Variants in SGCD observed in about 807,000 individuals in gnomAD.
SGCD encodes the protein sarcoglycan delta, also known as delta-sarcoglycan.
A neutral mutation model predicts 36.6 loss-of-function variants in SGCD; 18 were observed. The ratio of observed to expected loss-of-function variants is 0.49; its 90% CI spans 0.34 to 0.73. The LOEUF (loss-of-function observed/expected upper bound fraction) is 0.73, where lower values mean the gene tolerates loss of function less well. Among genes scored for constraint, SGCD ranks in the 30% least tolerant of loss-of-function variants. The pLI is 0.01. For synonymous variants in SGCD, 133 were observed against 130.6 expected (o/e 1.02, Z -0.12); for missense variants, 387 against 346.7 (o/e 1.12, Z -0.92).
rs185351306 is a variant in SGCD at position 156,526,116 on chromosome 5, G to A, written c.294+17414G>A. The stretch of plus-strand genomic sequence containing the variant: ...TAGAATTTCTGGAGTCTGAAGTATG[G>A]CCCTTTACAGCCATTCTCTACTCTG... On this transcript the variant is annotated intron_variant, in intron 4 of 8. Transcript: ENST00000337851. Among the ~76,000 whole-genome samples, 687 of 152,210 alleles carry A rather than the reference G, an allele frequency of 4.5e-3. 6 individuals are homozygous for A. Among genetic ancestry groups the A allele is most frequent in the African/African-American group, 0.014 (573 of 41,530 alleles).
At chr5:156,298,701 G>T (rs1766969037) in intron 3 of SGCD, among the ~76,000 whole-genome samples, 1 of 151,288 alleles carries the variant, frequency 6.6e-6, no homozygotes, top group South Asian at 2.1e-4. Context: ...ACAGTGCTGG[G>T]ATTACAGGTG....
At chr5:156,463,799 A>G (rs115969670) in intron 3 of SGCD, among the ~76,000 whole-genome samples, 2,170 of 152,238 alleles carry the variant, frequency 0.014, 40 homozygotes, top group African/African-American at 0.043. Context: ...GTTCTAGACC[A>G]GCCTGGGCAA....
the SGCD span, among the ~76,000 whole-genome samples, chr5:155,747,805 A>G: frequency 6.6e-6 from 1 of 152,176 alleles, no homozygotes; most frequent in Non-Finnish European, 1.5e-5. Flanking sequence ...GCCAAATGGC[A>G]CCAGTTGTGC....
chr5:156,622,751 G>GT lies in SGCD; in HGVS notation c.503-24707dup, dbSNP rs769069505. Reference sequence around the variant, plus strand: ...AACTGGGAGAAACTTAGCAAGACCTGTTTTTTCTGATTCTTCTTGGCATCT... The same window carrying GT: ...AACTGGGAGAAACTTAGCAAGACCTGTTTTTTTCTGATTCTTCTTGGCATCT... On this transcript the variant is annotated intron_variant, in intron 6 of 8. Coordinates refer to ENST00000337851, the MANE Select transcript of SGCD (RefSeq NM_000337.6). 3.9e-5 allele frequency among the ~76,000 whole-genome samples: 6 copies of GT among 152,160 alleles called. No homozygotes were observed. In the East Asian group the frequency reaches 1.2e-3, roughly 29 times the overall value.
chr5:155,798,513 T>G, the SGCD span, among the ~76,000 whole-genome samples: 1 of 152,184 alleles, frequency 6.6e-6, no homozygotes. Flanking sequence ...AAAACAGTAG[T>G]AATTGTATGG....
At chr5:156,715,092 G>A (rs1561872150) in intron 7 of SGCD, among the ~76,000 whole-genome samples, 1 of 152,170 alleles carries the variant, frequency 6.6e-6, no homozygotes, top group Admixed American at 6.5e-5. Flanking sequence ...CCAGAGTAGC[G>A]AAGCTTCAGG....
chr5:156,713,459 G>C (rs766851790), intron 7 of SGCD, among the ~76,000 whole-genome samples: 13 of 151,852 alleles, frequency 8.6e-5, no homozygotes, highest in Non-Finnish European at 1.5e-4. Context: ...TGGGAGTGAA[G>C]GGGTCCTGTT....
chr5:156,286,696 A>G (rs1213406325), intron 3 of SGCD, among the ~76,000 whole-genome samples: 3 of 152,100 alleles, frequency 2.0e-5, no homozygotes, highest in African/African-American at 7.2e-5. Context: ...GTGGGGAGGG[A>G]TAGCATTTGG....
chr5:156,127,874 A>C (rs1170909611), intron 3 of SGCD, among the ~76,000 whole-genome samples: 1 of 149,358 alleles, frequency 6.7e-6, no homozygotes, highest in African/African-American at 2.4e-5. Context: ...AAAAAAAAAA[A>C]AAAAAACCCA....
At chr5:155,844,096 A>G in the SGCD span, among the ~76,000 whole-genome samples, 1 of 142,414 alleles carries the variant, frequency 7.0e-6, no homozygotes, top group African/African-American at 2.6e-5. Context: ...TTTAGAAAAA[A>G]TGTCAGTATT....
chr5:156,630,427 C>T (rs138277339), intron 6 of SGCD, among the ~76,000 whole-genome samples: 104 of 152,256 alleles, frequency 6.8e-4, no homozygotes, highest in Middle Eastern at 6.8e-3. Context: ...ACAAGAACAT[C>T]GTCACAGTCA....
intron 3 of SGCD, among the ~76,000 whole-genome samples, chr5:156,376,682 CTT>C (rs1561654980): frequency 6.6e-6 from 1 of 151,928 alleles, no homozygotes; most frequent in African/African-American, 2.4e-5. Context: ...AATCAAGTAT[CTT>C]TGTGTTTTTC....
chr5:156,057,583 A>G (rs10476263), intron 1 of SGCD, among the ~76,000 whole-genome samples: 2,962 of 146,604 alleles, frequency 0.02, 267 homozygotes, highest in African/African-American at 0.068. Flanking sequence ...TTAGTAAGTC[A>G]CACTTCTTGG....
chr5:156,312,831 T>C (rs1213709934), intron 3 of SGCD, among the ~76,000 whole-genome samples: 2 of 152,124 alleles, frequency 1.3e-5, no homozygotes, highest in South Asian at 4.1e-4. Context: ...ATTAGGATCA[T>C]TATCTTACTC....
intron 3 of SGCD, among the ~76,000 whole-genome samples, chr5:156,269,014 G>A (rs1435553525): frequency 6.6e-6 from 1 of 152,118 alleles, no homozygotes; most frequent in Non-Finnish European, 1.5e-5. Context: ...TGCTGATAAG[G>A]ACATACCTGA....
intron 3 of SGCD, among the ~76,000 whole-genome samples, chr5:156,132,232 G>T (rs913683773): frequency 6.6e-6 from 1 of 151,740 alleles, no homozygotes; most frequent in Non-Finnish European, 1.5e-5. Flanking sequence ...TACCTGGAGG[G>T]GTGTGTTTGT....
intron 7 of SGCD, among the ~76,000 whole-genome samples, chr5:156,726,464 A>G (rs1755778092): frequency 6.6e-6 from 1 of 152,202 alleles, no homozygotes; most frequent in African/African-American, 2.4e-5. Context: ...CTGAAGCCAG[A>G]TGGTCTCTCT....
chr5:156,671,272 CTTT>C (rs35299523), intron 7 of SGCD, among the ~76,000 whole-genome samples: 11 of 104,412 alleles, frequency 1.1e-4, no homozygotes, highest in Non-Finnish European at 1.6e-4. Context: ...TCTATTGATT[CTTT>C]TTTTTTTTTT....
At chr5:156,587,215 G>A (rs544380823) in intron 4 of SGCD, among the ~76,000 whole-genome samples, 3 of 152,240 alleles carry the variant, frequency 2.0e-5, no homozygotes, top group African/African-American at 7.2e-5. Flanking sequence ...AATAAGCCAA[G>A]TTTTCCTCTG....
Sources: allele counts gnomAD v4.1 joint callset (sites outside exome capture counted in the v4.1 genomes callset), GRCh38; gene constraint gnomAD v4.1.1; transcripts MANE v1.5; gene names NCBI Gene and HGNC (gene_info 2026-07-23, HGNC 2026-07-21).